The following GAREM1 variants were observed in gnomAD, a reference collection of about 807,000 sequenced individuals.
The protein encoded by GAREM1 is GRB2 associated regulator of MAPK1 subtype 1.
Under a neutral mutation model 71.3 loss-of-function variants are expected in GAREM1, and 26 were observed. The observed-to-expected ratio is 0.36, with a 90% confidence interval of 0.27 to 0.51. The LOEUF is 0.51. Ranked by LOEUF, GAREM1 falls within the 20% of genes least tolerant of loss-of-function variation. The probability of loss-of-function intolerance (pLI) is 0.95; values close to 1 mark genes in which losing one functional copy is unlikely to be tolerated. For missense variants in GAREM1, 1,026 were observed against 1,103.1 expected (o/e 0.93, Z 0.99); for synonymous variants, 440 against 433.2 (o/e 1.02, Z -0.20).
At chr18:32,451,758 T>C (rs1050346178) in intron 1 of GAREM1, among the ~76,000 whole-genome samples, 7 of 152,146 alleles carry the variant, frequency 4.6e-5, no homozygotes, top group Admixed American at 4.6e-4. Flanking sequence ...TCTGGGCCTT[T>C]CCCATATTTA....
intron 1 of GAREM1, among the ~76,000 whole-genome samples, chr18:32,449,500 C>A (rs1191982621): frequency 6.6e-6 from 1 of 152,000 alleles, no homozygotes; most frequent in East Asian, 1.9e-4. Context: ...CATGGCGAAA[C>A]CCCATCTCTA....
At chr18:32,445,502 T>C (rs1353055813) in intron 1 of GAREM1, among the ~76,000 whole-genome samples, 1 of 152,058 alleles carries the variant, frequency 6.6e-6, no homozygotes, top group Non-Finnish European at 1.5e-5. Context: ...CATTGTTATT[T>C]TAAAAAGAGA....
intron 1 of GAREM1, among the ~76,000 whole-genome samples, chr18:32,463,568 CT>C (rs138799660): frequency 0.044 from 5,768 of 131,640 alleles, 102 homozygotes; most frequent in Middle Eastern, 0.064. Context: ...TTTTAAATCA[CT>C]TTTTTTTTTT....
At chr18:32,285,528 T>C (rs964452456) in intron 4 of GAREM1, among the ~76,000 whole-genome samples, 2 of 152,204 alleles carry the variant, frequency 1.3e-5, no homozygotes, top group African/African-American at 4.8e-5. Flanking sequence ...CTCATGCTGC[T>C]CTGTCCGGAA....
At chr18:32,274,946 TCA>T (rs2144427878) in intron 4 of GAREM1, among the ~76,000 whole-genome samples, 1 of 146,350 alleles carries the variant, frequency 6.8e-6, no homozygotes, top group Admixed American at 6.8e-5. Flanking sequence ...TTAAGAAATG[TCA>T]CAAAAAATAC....
intron 1 of GAREM1, among the ~76,000 whole-genome samples, chr18:32,408,984 A>G (rs190961504): frequency 7.9e-5 from 12 of 152,314 alleles, no homozygotes; most frequent in Admixed American, 7.8e-4. Context: ...TGAGAGAATA[A>G]GTGCTAAAGA....
At chr18:32,350,179 T>A (rs866425599) in intron 2 of GAREM1, among the ~76,000 whole-genome samples, 1 of 152,114 alleles carries the variant, frequency 6.6e-6, no homozygotes, top group Non-Finnish European at 1.5e-5. Context: ...ACTGCCCCCC[T>A]TTTTTTCCAG....
chr18:32,368,445 A>G (rs1358511527), intron 2 of GAREM1, among the ~76,000 whole-genome samples: 1 of 152,208 alleles, frequency 6.6e-6, no homozygotes, highest in Non-Finnish European at 1.5e-5. Context: ...ACAGCTCTCA[A>G]GCTACTTTCC....
chr18:32,450,544 T>C (rs1451197005), intron 1 of GAREM1, among the ~76,000 whole-genome samples: 1 of 152,208 alleles, frequency 6.6e-6, no homozygotes, highest in East Asian at 1.9e-4. Context: ...GGTAGCTTGA[T>C]TTATGACCAT....
chr18:32,400,187 G>A (rs2048299725), intron 1 of GAREM1, among the ~76,000 whole-genome samples: 2 of 152,106 alleles, frequency 1.3e-5, no homozygotes, highest in Non-Finnish European at 2.9e-5. Flanking sequence ...ATGGATTAAA[G>A]ACTTACATGT....
intron 1 of GAREM1, among the ~76,000 whole-genome samples, chr18:32,420,852 GCT>G (rs2048513703): frequency 6.6e-6 from 1 of 152,124 alleles, no homozygotes; most frequent in Non-Finnish European, 1.5e-5. Context: ...CTCTGCCGTG[GCT>G]CTGTCTTCAT....
At chr18:32,297,357 T>A (rs2047152377) in intron 3 of GAREM1, among the ~76,000 whole-genome samples, 1 of 152,356 alleles carries the variant, frequency 6.6e-6, no homozygotes, top group Non-Finnish European at 1.5e-5. Flanking sequence ...AAATGGAACA[T>A]CACCATCTAT....
intron 1 of GAREM1, among the ~76,000 whole-genome samples, chr18:32,457,226 A>AT (rs2048903143): frequency 1.2e-5 from 1 of 81,926 alleles, no homozygotes; most frequent in African/African-American, 4.2e-5. Context: ...AGAGAGAGAG[A>AT]GTGTGTGTGT....
chr18:32,376,649 C>T (rs1387509604), intron 2 of GAREM1, among the ~76,000 whole-genome samples: 1 of 151,834 alleles, frequency 6.6e-6, no homozygotes, highest in African/African-American at 2.4e-5. Flanking sequence ...ACCAGCCTGA[C>T]CAACATGGCA....
At chr18:32,330,496 A>G (rs1047835699) in intron 2 of GAREM1, among the ~76,000 whole-genome samples, 1 of 152,184 alleles carries the variant, frequency 6.6e-6, no homozygotes, top group Non-Finnish European at 1.5e-5. Flanking sequence ...GTATCCCCTG[A>G]ATCTAAAATA....
chr18:32,461,936 T>A (rs2048957015), intron 1 of GAREM1, among the ~76,000 whole-genome samples: 1 of 152,222 alleles, frequency 6.6e-6, no homozygotes, highest in Non-Finnish European at 1.5e-5. Context: ...TACAAGCTGG[T>A]CTACAAGAAC....
chr18:32,364,036 T>G (rs1340973503), intron 2 of GAREM1, among the ~76,000 whole-genome samples: 9 of 47,026 alleles, frequency 1.9e-4, no homozygotes, highest in African/African-American at 2.8e-4. Flanking sequence ...ATGTTTTTTT[T>G]TTTTTTTTTT....
At chr18:32,368,052 C>T (rs1001681086) in intron 2 of GAREM1, among the ~76,000 whole-genome samples, 32 of 151,296 alleles carry the variant, frequency 2.1e-4, no homozygotes, top group African/African-American at 6.8e-4. Context: ...TTTATCTCCC[C>T]CTCCCTTTAA....
intron 3 of GAREM1, among the ~76,000 whole-genome samples, chr18:32,299,257 G>A (rs1439374778): frequency 6.6e-6 from 1 of 152,136 alleles, no homozygotes; most frequent in Non-Finnish European, 1.5e-5. Flanking sequence ...GCTCATGCCT[G>A]TAATCCCAGC....
Sources: gnomAD v4.1 joint callset for allele counts (sites outside exome capture counted in the v4.1 genomes callset) on GRCh38, gnomAD v4.1.1 for gene constraint, MANE v1.5 for transcripts, NCBI Gene and HGNC (gene_info 2026-07-23, HGNC 2026-07-21) for gene names.